The following BAIAP2 variants were observed in gnomAD, a reference collection of about 807,000 sequenced individuals.
BAIAP2 encodes BAR/IMD domain containing adaptor protein 2, also known as BAR/IMD domain-containing adapter protein 2.
In BAIAP2, 18 loss-of-function variants were observed where a neutral mutation model predicts 63.0. That is an observed-to-expected ratio of 0.29 (90% CI 0.20 to 0.42). BAIAP2 has a LOEUF of 0.42. Ranked by LOEUF, BAIAP2 falls within the 10% of genes least tolerant of loss-of-function variation. The probability of loss-of-function intolerance (pLI) is 1.00; values close to 1 mark genes in which losing one functional copy is unlikely to be tolerated. For missense variants in BAIAP2, 610 were observed against 734.3 expected, an observed-to-expected ratio of 0.83 and a Z score of 1.96; for synonymous variants, 386 against 307.6, an observed-to-expected ratio of 1.25 and a Z score of -2.67.
intron 13 of BAIAP2, chr17:81,110,191 C>G (rs1410353410): frequency 2.0e-6 from 2 of 985,606 alleles, no homozygotes; most frequent in Non-Finnish European, 2.4e-6. Flanking sequence ...TCCCACACAC[C>G]TCCCCGTGGC....
chr17:81,062,305 T>A (rs1034130502), intron 3 of BAIAP2, among the ~76,000 whole-genome samples: 8 of 103,480 alleles, frequency 7.7e-5, no homozygotes, highest in African/African-American at 2.3e-4. Context: ...TTCAATGGAC[T>A]GATTTTTTTT....
At chr17:81,091,687 A>AG (rs984178136) in intron 6 of BAIAP2, among the ~76,000 whole-genome samples, 1 of 152,120 alleles carries the variant, frequency 6.6e-6, no homozygotes, top group African/African-American at 2.4e-5. Context: ...AGCGGGCAGG[A>AG]GGGGGCTGCC....
At chr17:81,094,067 C>T (rs907684064) in intron 6 of BAIAP2, among the ~76,000 whole-genome samples, 33 of 152,074 alleles carry the variant, frequency 2.2e-4, no homozygotes, top group Admixed American at 4.6e-4. Context: ...CTTCTGCATC[C>T]GCAGCTGACA....
chr17:81,064,062 G>A (rs770454222), intron 3 of BAIAP2, among the ~76,000 whole-genome samples: 1 of 152,256 alleles, frequency 6.6e-6, no homozygotes, highest in African/African-American at 2.4e-5. Context: ...CCTCCCACCC[G>A]GGCCCCTCTG....
chr17:81,035,330 G>A, intron 1 of BAIAP2, 22 bp downstream of exon 1: 1 of 1,385,696 alleles, frequency 7.2e-7, no homozygotes, highest in Non-Finnish European at 9.5e-7. Flanking sequence ...CCGGCGCCGA[G>A]CTGAGCCCGC....
intron 13 of BAIAP2, 116 bp downstream of exon 13, chr17:81,108,625 G>T (rs575270580): frequency 7.3e-7 from 1 of 1,360,964 alleles, no homozygotes. Flanking sequence ...GCCCAGCCTG[G>T]CCCTTCACCC....
At chr17:81,088,714 C>G (rs1396455808) in intron 6 of BAIAP2, among the ~76,000 whole-genome samples, 1 of 152,250 alleles carries the variant, frequency 6.6e-6, no homozygotes, top group Non-Finnish European at 1.5e-5. Flanking sequence ...GTCAGCCTTT[C>G]TTCCTTTTCA....
chr17:81,074,139 T>C (rs550083267), intron 3 of BAIAP2, among the ~76,000 whole-genome samples: 9 of 152,346 alleles, frequency 5.9e-5, no homozygotes, highest in Middle Eastern at 3.4e-3. Context: ...GTAACCTTCC[T>C]GTGTGTCACA....
chr17:81,109,584 C>T (rs1011789096), intron 13 of BAIAP2: 1 of 985,204 alleles, frequency 1.0e-6, no homozygotes, highest in Non-Finnish European at 1.2e-6. Flanking sequence ...AGAAAGGGGG[C>T]TCGTGCCAAG....
intron 6 of BAIAP2, among the ~76,000 whole-genome samples, chr17:81,093,576 G>T (rs1229885595): frequency 6.6e-6 from 1 of 152,060 alleles, no homozygotes; most frequent in Non-Finnish European, 1.5e-5. Flanking sequence ...GGGCTCCGTA[G>T]CACCGGCAGG....
At chr17:81,083,512 A>G (rs1004592612) in intron 3 of BAIAP2, 2 of 152,206 alleles carry the variant, frequency 1.3e-5, no homozygotes, top group Non-Finnish European at 2.9e-5. Flanking sequence ...AGACCAGGAA[A>G]TGGAGCCATT....
At chr17:81,035,746 C>T (rs534681091) in intron 1 of BAIAP2, among the ~76,000 whole-genome samples, 148 of 152,130 alleles carry the variant, frequency 9.7e-4, no homozygotes, top group Admixed American at 1.2e-3. Flanking sequence ...TTGCGGCGGC[C>T]AGGACGGCAT....
chr17:81,055,997 G>A (rs1250368127), intron 2 of BAIAP2, among the ~76,000 whole-genome samples: 1 of 152,186 alleles, frequency 6.6e-6, no homozygotes, highest in Non-Finnish European at 1.5e-5. Flanking sequence ...GGTCGGCGTG[G>A]CCTCCTGGTG....
At chr17:81,055,493 G>A (rs1006480340) in intron 2 of BAIAP2, among the ~76,000 whole-genome samples, 12 of 151,988 alleles carry the variant, frequency 7.9e-5, no homozygotes, top group East Asian at 3.9e-4. Flanking sequence ...CCCTGGGCCC[G>A]GGGTTGCACC....
At chr17:81,098,386 T>C (rs368412610) in intron 6 of BAIAP2, among the ~76,000 whole-genome samples, 1 of 152,052 alleles carries the variant, frequency 6.6e-6, no homozygotes, top group Non-Finnish European at 1.5e-5. Context: ...CTACAGTTTC[T>C]TGGTCTGGCT....
chr17:81,086,540 G>A lies in BAIAP2; in HGVS notation c.449G>A (p.Gly150Asp). ...ELKKLRKKSQ[G>D]SKNPQKYSDK... ...AAGAAGCTTCGGAAGAAGAGCCAGG[G>A]CAGCAAGAATCCTCAGAAGTACTCG... Residue 150 changes from glycine to aspartate, a missense_variant, in exon 6 of 14, where the codon GGC (glycine) becomes GAC (aspartate). Around this residue, in one of 5 missense-constraint regions of BAIAP2, gnomAD observed 389 missense variants for 455.6 expected, o/e 0.85. Coordinates refer to ENST00000428708, the MANE Select transcript of BAIAP2 (RefSeq NM_001144888.2). 4 of 1,613,882 alleles carry A rather than the reference G, an allele frequency of 2.5e-6. No homozygotes were observed. Among genetic ancestry groups the A allele is most frequent in the Non-Finnish European group, 3.4e-6 (4 of 1,180,020 alleles).
intron 1 of BAIAP2, among the ~76,000 whole-genome samples, chr17:81,049,954 T>C (rs2048402555): frequency 1.3e-5 from 2 of 152,166 alleles, no homozygotes; most frequent in African/African-American, 4.8e-5. Flanking sequence ...GATAATGGGA[T>C]GGACTGGTTC....
rs138754674 is a variant in BAIAP2 at position 81,045,549 on chromosome 17, G to C, written c.55-8119G>C. Among the ~76,000 whole-genome samples the C allele has an allele frequency of 9.2e-3, 1,389 of 150,764 alleles. 27 individuals carry two copies. Among genetic ancestry groups the C allele is most frequent in the African/African-American group, 0.031 (1,269 of 41,410 alleles). ...AGGCCACCTGCTCCTGGTCATATCT[G>C]GGCACCGTGCCAAAGACACAAGGAA... is the stretch of plus-strand genomic sequence containing the variant. On this transcript the variant is annotated intron_variant, in intron 1 of 13. Coordinates refer to ENST00000428708, the MANE Select transcript of BAIAP2 (RefSeq NM_001144888.2).
chr17:81,039,326 A>G (rs1430303803), intron 1 of BAIAP2, among the ~76,000 whole-genome samples: 1 of 152,178 alleles, frequency 6.6e-6, no homozygotes, highest in Non-Finnish European at 1.5e-5. Context: ...CAGGGTGTAC[A>G]ACCCTTCTGC....
Sources: allele counts gnomAD v4.1 joint callset (sites outside exome capture counted in the v4.1 genomes callset), GRCh38; gene constraint gnomAD v4.1.1; regional missense constraint gnomAD v4.1.1; transcripts MANE v1.5; gene names NCBI Gene and HGNC (gene_info 2026-07-23, HGNC 2026-07-21).